Variants in STX8 observed in about 807,000 individuals in gnomAD.
STX8 encodes syntaxin-8.
STX8 carries 23 observed loss-of-function variants against 37.5 expected under a neutral mutation model. The ratio of observed to expected loss-of-function variants is 0.61; its 90% CI spans 0.44 to 0.87. STX8 has a LOEUF of 0.87. Among genes scored for constraint, STX8 ranks in the 40% least tolerant of loss-of-function variants. STX8 has a pLI of 0.00. For synonymous variants in STX8, 115 were observed against 99.1 expected (o/e 1.16, Z -0.95); for missense variants, 313 against 284.7 (o/e 1.10, Z -0.71).
At chr17:9,330,556 GT>G (rs1486931881) in intron 7 of STX8, among the ~76,000 whole-genome samples, 1 of 152,170 alleles carries the variant, frequency 6.6e-6, no homozygotes, top group Admixed American at 6.5e-5. Context: ...CCACTTTTTT[GT>G]TGATGATCAC....
intron 4 of STX8, among the ~76,000 whole-genome samples, chr17:9,530,826 C>A (rs2142541713): frequency 6.6e-6 from 1 of 152,096 alleles, no homozygotes; most frequent in South Asian, 2.1e-4. Flanking sequence ...TAATGAAATC[C>A]AACTTATCAC....
chr17:9,518,987 G>C (rs528517730), intron 4 of STX8, among the ~76,000 whole-genome samples: 6 of 152,106 alleles, frequency 3.9e-5, no homozygotes, highest in Admixed American at 3.9e-4. Flanking sequence ...CTGAACTAGG[G>C]GTGGGGAGGG....
At chr17:9,438,833 G>A (rs1904537645) in intron 6 of STX8, among the ~76,000 whole-genome samples, 1 of 152,074 alleles carries the variant, frequency 6.6e-6, no homozygotes, top group Non-Finnish European at 1.5e-5. Flanking sequence ...GGAGGCTGAG[G>A]CAGGAGAACA....
At chr17:9,345,848 CTTTTTTTTTT>C (rs545020159) in intron 7 of STX8, among the ~76,000 whole-genome samples, 1 of 52,076 alleles carries the variant, frequency 1.9e-5, no homozygotes, top group Non-Finnish European at 3.4e-5. Flanking sequence ...TTATGCATTC[CTTTTTTTTTT>C]TTTTTTTTTT....
chr17:9,525,420 C>G (rs1197265981), intron 4 of STX8, among the ~76,000 whole-genome samples: 2 of 151,686 alleles, frequency 1.3e-5, no homozygotes, highest in Non-Finnish European at 2.9e-5. Context: ...GATCTCGGCT[C>G]ACTGCAAGCT....
At chr17:9,293,158 G>A (rs1343918621) in intron 7 of STX8, among the ~76,000 whole-genome samples, 1 of 152,180 alleles carries the variant, frequency 6.6e-6, no homozygotes, top group Admixed American at 6.5e-5. Flanking sequence ...AATAGTGAGA[G>A]CATTTACAAA....
At chr17:9,558,353 A>C (rs538426053) in intron 2 of STX8, among the ~76,000 whole-genome samples, 2 of 152,272 alleles carry the variant, frequency 1.3e-5, no homozygotes, top group African/African-American at 4.8e-5. Flanking sequence ...GGATTTGCAG[A>C]ATCACACCAA....
chr17:9,440,091 A>G (rs866098792), intron 6 of STX8, among the ~76,000 whole-genome samples: 1 of 152,168 alleles, frequency 6.6e-6, no homozygotes, highest in African/African-American at 2.4e-5. Flanking sequence ...GAACCATGGA[A>G]AATACCACTG....
intron 7 of STX8, among the ~76,000 whole-genome samples, chr17:9,338,622 A>C (rs1030481696): frequency 2.8e-4 from 42 of 151,594 alleles, no homozygotes; most frequent in Admixed American, 2.2e-3. Flanking sequence ...ATTTTTGTCT[A>C]CTCTCTTCTA....
chr17:9,428,071 C>A (rs1185828351), intron 6 of STX8, among the ~76,000 whole-genome samples: 3 of 152,132 alleles, frequency 2.0e-5, no homozygotes, highest in African/African-American at 2.4e-5. Flanking sequence ...GCTGCTGACT[C>A]CTCAGAGTTC....
intron 7 of STX8, among the ~76,000 whole-genome samples, chr17:9,291,293 A>T (rs1235081235): frequency 2.0e-5 from 3 of 151,976 alleles, no homozygotes; most frequent in African/African-American, 7.2e-5. Context: ...AAAAACACAA[A>T]ACATTAGCTG....
chr17:9,400,510 T>A (rs1912571776), intron 6 of STX8, among the ~76,000 whole-genome samples: 1 of 151,988 alleles, frequency 6.6e-6, no homozygotes, highest in Admixed American at 6.6e-5. Context: ...GTTCAAGCGA[T>A]TCTCCTGCCT....
At chr17:9,425,149 T>TCTGG (rs1292345316) in intron 6 of STX8, among the ~76,000 whole-genome samples, 1 of 152,170 alleles carries the variant, frequency 6.6e-6, no homozygotes, top group Non-Finnish European at 1.5e-5. Context: ...AATGAGCAAA[T>TCTGG]CTGGCCTCTT....
chr17:9,485,208 A>G (rs1290416049), intron 6 of STX8, among the ~76,000 whole-genome samples: 2 of 152,218 alleles, frequency 1.3e-5, no homozygotes, highest in Admixed American at 1.3e-4. Context: ...ATAAGACACA[A>G]GGCAAGGTAT....
At chr17:9,539,091 GAA>G (rs1051153894) in intron 4 of STX8, among the ~76,000 whole-genome samples, 1 of 152,130 alleles carries the variant, frequency 6.6e-6, no homozygotes, top group Non-Finnish European at 1.5e-5. Context: ...TACTGCTTTA[GAA>G]TAATGACCAG....
chr17:9,469,794 A>G (rs1905770438), intron 6 of STX8: 1 of 152,150 alleles, frequency 6.6e-6, no homozygotes, highest in African/African-American at 2.4e-5. Flanking sequence ...AGCAACATGA[A>G]TCCTACACGA....
chr17:9,421,314 C>A (rs1484257696), intron 6 of STX8, among the ~76,000 whole-genome samples: 1 of 150,216 alleles, frequency 6.7e-6, no homozygotes, highest in Non-Finnish European at 1.5e-5. Flanking sequence ...ATCGCTTGAA[C>A]CCGCGAGGCA....
intron 5 of STX8, among the ~76,000 whole-genome samples, chr17:9,494,005 TTTG>T (rs1231123605): frequency 1.7e-5 from 1 of 59,880 alleles, no homozygotes; most frequent in African/African-American, 3.7e-5. Context: ...TTTTTTTTGT[TTTG>T]TTTTTTTGTT....
intron 7 of STX8, among the ~76,000 whole-genome samples, chr17:9,315,681 G>A (rs2142197468): frequency 6.6e-6 from 1 of 152,142 alleles, no homozygotes; most frequent in East Asian, 1.9e-4. Context: ...GTTTCTATCG[G>A]AGGCTATGCT....
Sources: gnomAD v4.1 joint callset for allele counts (sites outside exome capture counted in the v4.1 genomes callset) on GRCh38, gnomAD v4.1.1 for gene constraint, MANE v1.5 for transcripts, NCBI Gene and HGNC (gene_info 2026-07-23, HGNC 2026-07-21) for gene names.